Variants in PER3 observed in about 807,000 individuals in gnomAD.
PER3 encodes period circadian protein homolog 3.
PER3 carries 107 observed loss-of-function variants against 127.2 expected under a neutral mutation model. The observed-to-expected ratio is 0.84, with a 90% CI of 0.72 to 0.99. PER3 has a LOEUF of 0.99. PER3 is among the 50% of genes least tolerant of loss of function. The probability of loss-of-function intolerance (pLI) is 0.00; values close to 1 mark genes in which losing one functional copy is unlikely to be tolerated. For missense variants in PER3, 1,560 were observed against 1,525.8 expected, an observed-to-expected ratio of 1.02 and a Z score of -0.37; for synonymous variants, 618 against 585.8, an observed-to-expected ratio of 1.05 and a Z score of -0.79.
At chr1:7,815,991 C>CAAAA (rs34144861) in intron 13 of PER3, among the ~76,000 whole-genome samples, 25 of 67,650 alleles carry the variant, frequency 3.7e-4, no homozygotes, top group African/African-American at 5.8e-4. Flanking sequence ...GACTCCGTCT[C>CAAAA]AAAAAAAAAA....
rs1558496356 is a variant in PER3, at chr1:7,842,801, A to G, written c.*46A>G. 1 of 1,559,748 alleles carries G rather than the reference A, an allele frequency of 6.4e-7. No homozygotes were observed. Among genetic ancestry groups the G allele is most frequent in the Non-Finnish European group, 8.8e-7 (1 of 1,137,436 alleles). Reference sequence around the variant, plus strand: ...TCATACCCTTTCCAAGACGTGTTACACAGACAGACCTTTTTAAGTCCTGGA... The same window carrying G: ...TCATACCCTTTCCAAGACGTGTTACGCAGACAGACCTTTTTAAGTCCTGGA... On this transcript the variant is annotated 3_prime_UTR_variant, in exon 22 of 22. Coordinates refer to ENST00000377532, the MANE Select transcript of PER3 (RefSeq NM_001377275.1).
intron 10 of PER3, among the ~76,000 whole-genome samples, chr1:7,804,481 CCT>C (rs2097184494): frequency 6.6e-6 from 1 of 151,080 alleles, no homozygotes; most frequent in Non-Finnish European, 1.5e-5. Context: ...CTCAGTGCAG[CCT>C]TAACCTCCCC....
In PER3 at chr1:7,784,713, C is replaced by T. The variant is rs1024248198; in HGVS notation, c.-165C>T. ...TTGAAAATGTTGGAGGGAAAAGCTC[C>T]TCGGAGATGAGCGTGACCCCCTGGC... is the stretch of plus-strand genomic sequence containing the variant. On this transcript the variant is annotated 5_prime_UTR_variant, in exon 2 of 22. Transcript: ENST00000377532. The T allele has an allele frequency of 3.2e-6, 2 of 630,106 alleles. No individual in the cohort carries two copies. Among genetic ancestry groups the T allele is most frequent in the African/African-American group, 3.9e-5 (2 of 51,884 alleles). The allele number at this position is 630,106 out of a possible 1,614,324, so 39.0% of individuals were successfully genotyped here. A position where few individuals can be genotyped will look rare whatever the true frequency, so the allele number is the denominator to read the frequency against.
intron 12 of PER3, 94 bp downstream of exon 12, chr1:7,810,115 C>T: frequency 8.3e-7 from 1 of 1,202,140 alleles, no homozygotes. Flanking sequence ...ATATTCCTGA[C>T]TTGAAGACCT....
chr1:7,827,655 G>T lies in PER3; in HGVS notation c.2726G>T (p.Arg909Met), dbSNP rs896461983. The change falls in exon 18 of 22, where the codon AGG becomes ATG. Residue 909 changes from arginine (R) to methionine (M), a missense_variant. By Grantham distance (91) the Arg-to-Met change is moderately conservative (BLOSUM62 -1). Coordinates refer to ENST00000377532, the MANE Select transcript of PER3 (RefSeq NM_001377275.1). ...LDPPPSVTSQ[R>M]REEEKWEAQS... ...CCACCCCCTTCAGTCACCAGCCAAA[G>T]GAGAGAGGAGGAAAAGTGGGAGGCA... 6.2e-7 allele frequency: 1 copy of T among 1,614,076 alleles called. No homozygotes were observed.
In PER3 at chr1:7,844,110, C is replaced by G. The variant is rs919438277; in HGVS notation, c.*1355C>G. Reference sequence around the variant, plus strand: ...ACTTTTCTCCTTTGAAGTTTTACAGCTTTTTGTAAATGCGTCCTGATAATG... The same window carrying G: ...ACTTTTCTCCTTTGAAGTTTTACAGGTTTTTGTAAATGCGTCCTGATAATG... On this transcript the variant is annotated 3_prime_UTR_variant, in exon 22 of 22. Coordinates refer to ENST00000377532, the MANE Select transcript of PER3 (RefSeq NM_001377275.1). 6 of 417,002 alleles carry G rather than the reference C, an allele frequency of 1.4e-5. No individual in the cohort carries two copies. In the South Asian group the frequency reaches 2.7e-4, roughly 19 times the overall value. 25.8% of individuals were successfully genotyped at this position (417,002 alleles called of 1,614,324 possible). A position where few individuals can be genotyped will look rare whatever the true frequency, so the allele number is the denominator to read the frequency against.
In PER3 at chr1:7,827,428, T is replaced by A. The variant is rs753067602; in HGVS notation, c.2499T>A (p.His833Gln). ...CCGGAACTGCACCGGAAGGCCTGCA[T>A]GGGCTGCCCTTGTCCGAGGGCTTGC... ...AAPGTAPEGL[H>Q]GLPLSEGLQP... Residue 833 changes from histidine to glutamine, a missense_variant, in exon 18 of 22, where the codon CAT becomes CAA. By Grantham distance (24) the His-to-Gln change is conservative. Coordinates refer to ENST00000377532, the MANE Select transcript of PER3 (RefSeq NM_001377275.1). The A allele has an allele frequency of 2.5e-6, 4 of 1,614,204 alleles. No individual in the cohort carries two copies. The South Asian group carries it at 4.4e-5, about 18-fold the overall frequency.
intron 16 of PER3, among the ~76,000 whole-genome samples, chr1:7,824,777 A>C (rs1387096572): frequency 6.6e-6 from 1 of 152,146 alleles, no homozygotes; most frequent in East Asian, 1.9e-4. Context: ...GACCTTCCTG[A>C]GTGCTCCTTG....
chr1:7,789,944 G>A (rs558018123), intron 5 of PER3, among the ~76,000 whole-genome samples: 1 of 152,070 alleles, frequency 6.6e-6, no homozygotes, highest in African/African-American at 2.4e-5. Flanking sequence ...ACCTTTGTCT[G>A]TATTTGTTTC....
At chr1:7,786,042 G>A (rs1044932977) in intron 3 of PER3, among the ~76,000 whole-genome samples, 3 of 152,298 alleles carry the variant, frequency 2.0e-5, no homozygotes, top group South Asian at 4.1e-4. Flanking sequence ...AGATCACGAG[G>A]TCAGGAGATC....
In PER3 at chr1:7,842,733, T is replaced by G. The variant is rs1578010220; in HGVS notation, c.3611T>G (p.Val1204Gly). 6.2e-7 allele frequency: 1 copy of G among 1,613,354 alleles called. No individual in the cohort carries two copies. Among genetic ancestry groups the G allele is most frequent in the African/African-American group, 1.3e-5 (1 of 74,992 alleles). The change falls in exon 22 of 22, where the codon GTT becomes GGT. Residue 1204 changes from valine to glycine, a missense_variant. This residue lies in a region of PER3 where 199 missense variants were observed against 198.6 expected (regional missense o/e 1.00). Coordinates refer to ENST00000377532, the MANE Select transcript of PER3 (RefSeq NM_001377275.1). ...GGTGCGGCCACATCCTGTGGTCAGGTTCTGGTAGAAGACAGCTGTTGAGTG... is the reference window on the plus strand; with the variant it reads ...GGTGCGGCCACATCCTGTGGTCAGGGTCTGGTAGAAGACAGCTGTTGAGTG... ...ADGAATSCGQ[V>G]LVEDSC
chr1:7,787,071 T>C (rs1032759488), intron 4 of PER3: 2 of 423,298 alleles, frequency 4.7e-6, no homozygotes, highest in African/African-American at 4.0e-5. Context: ...GGTTATGAGG[T>C]GCTTCTAGCT....
intron 5 of PER3, among the ~76,000 whole-genome samples, chr1:7,789,899 T>G (rs553638951): frequency 4.7e-4 from 72 of 152,356 alleles, no homozygotes; most frequent in South Asian, 1.0e-3. Context: ...ATACTGATTT[T>G]ATTTCTCATC....
At chr1:7,815,356 C>T (rs1480523969) in intron 13 of PER3, among the ~76,000 whole-genome samples, 9 of 152,072 alleles carry the variant, frequency 5.9e-5, no homozygotes, top group Non-Finnish European at 1.3e-4. Flanking sequence ...TGAAAATAAA[C>T]ATAGGTTAAA....
chr1:7,838,061 T>TTG (rs1202012248), intron 21 of PER3, among the ~76,000 whole-genome samples: 1 of 139,762 alleles, frequency 7.2e-6, no homozygotes, highest in African/African-American at 2.9e-5. Flanking sequence ...GACAAATAAT[T>TTG]CGTGTGTGTG....
chr1:7,801,139 A>G lies in PER3; in HGVS notation c.820A>G (p.Ile274Val). ...TCCTCGGATCCCAGTGAATAAAAGA[A>G]TCTTCACCACCACACACACCCCAGG... ...EAPRIPVNKR[I>V]FTTTHTPGCV... The change falls in exon 8 of 22, where the codon ATC becomes GTC. Residue 274 changes from isoleucine (I) to valine (V), a missense_variant. By Grantham distance (29) the Ile-to-Val change is conservative (BLOSUM62 3). Around this residue, in one of 3 missense-constraint regions of PER3, gnomAD observed 1,332 missense variants for 1,223.6 expected, o/e 1.09. Coordinates refer to ENST00000377532, the MANE Select transcript of PER3 (RefSeq NM_001377275.1). The G allele has an allele frequency of 6.2e-7, 1 of 1,609,040 alleles. No homozygotes were observed. Among genetic ancestry groups the G allele is most frequent in the Non-Finnish European group, 8.5e-7 (1 of 1,176,968 alleles).
intron 7 of PER3, among the ~76,000 whole-genome samples, chr1:7,800,423 G>A (rs1439684220): frequency 1.3e-5 from 2 of 151,310 alleles, no homozygotes; most frequent in East Asian, 2.0e-4. Flanking sequence ...GGCCAAGCTC[G>A]TCTCAAATTC....
chr1:7,828,767 A>T (rs1216415748), intron 18 of PER3, among the ~76,000 whole-genome samples: 1 of 152,212 alleles, frequency 6.6e-6, no homozygotes, highest in East Asian at 1.9e-4. Context: ...AAATGGAAAG[A>T]TGAATCCCTC....
intron 6 of PER3, among the ~76,000 whole-genome samples, chr1:7,795,043 A>G (rs1461809968): frequency 2.0e-5 from 3 of 152,140 alleles, no homozygotes; most frequent in Admixed American, 6.6e-5. Flanking sequence ...GAAATAGTCT[A>G]ATATTCCAGT....
Sources: gnomAD v4.1 joint callset for allele counts (sites outside exome capture counted in the v4.1 genomes callset) on GRCh38, gnomAD v4.1.1 for gene constraint, gnomAD v4.1.1 regional missense constraint, MANE v1.5 for transcripts, NCBI Gene and HGNC (gene_info 2026-07-23, HGNC 2026-07-21) for gene names.